Variants in ARHGEF4 observed in about 807,000 individuals in gnomAD.
ARHGEF4 encodes the protein APC-stimulated guanine nucleotide exchange factor 1.
ARHGEF4 carries 119 observed loss-of-function variants against 162.0 expected under a neutral mutation model. The ratio of observed to expected loss-of-function variants is 0.73; its 90% confidence interval spans 0.63 to 0.86. ARHGEF4 has a LOEUF of 0.86. Among genes scored for constraint, ARHGEF4 ranks in the 40% least tolerant of loss-of-function variants. The probability of loss-of-function intolerance (pLI) is 0.00; values close to 1 mark genes in which losing one functional copy is unlikely to be tolerated. For synonymous variants in ARHGEF4, 1,014 were observed against 979.9 expected (o/e 1.03, Z -0.65); for missense variants, 2,488 against 2,456.0 (o/e 1.01, Z -0.28).
rs188351150 is a variant in ARHGEF4 at position 130,852,529 on chromosome 2, G to A, written c.39+15537G>A. On this transcript the variant is annotated intron_variant, in intron 1 of 13. Coordinates refer to ENST00000409359, the MANE Select transcript of ARHGEF4 (RefSeq NM_001367493.1). ...CCATCGGGCCAGACTGTGAGCTGGT[G>A]GGGGTGGGGGGGACTGTGAGCCGGG... 6.6e-5 allele frequency among the ~76,000 whole-genome samples: 10 copies of A among 152,132 alleles called. No individual in the cohort carries two copies. In the East Asian group the frequency reaches 1.9e-3, roughly 30 times the overall value.
chr2:130,843,431 C>T (rs878956703), intron 1 of ARHGEF4, among the ~76,000 whole-genome samples: 2 of 152,188 alleles, frequency 1.3e-5, no homozygotes, highest in South Asian at 4.1e-4. Context: ...GGGGCAGACC[C>T]GGCAGGGGAG....
intron 5 of ARHGEF4, among the ~76,000 whole-genome samples, chr2:131,036,179 C>T (rs899041468): frequency 1.3e-5 from 2 of 152,224 alleles, no homozygotes; most frequent in South Asian, 2.1e-4. Context: ...TGCCCAGAAA[C>T]GCACCCAGCG....
At chr2:130,943,484 A>G (rs1318422127) in intron 3 of ARHGEF4, among the ~76,000 whole-genome samples, 1 of 152,028 alleles carries the variant, frequency 6.6e-6, no homozygotes, top group East Asian at 1.9e-4. Flanking sequence ...TTACCATGTT[A>G]TCATTCATTT....
At position 131,002,015 on chromosome 2, in the gene ARHGEF4, C is replaced by T. The variant is rs139167047; in HGVS notation, c.3986-25930C>T. 1.8e-3 allele frequency among the ~76,000 whole-genome samples: 281 copies of T among 152,168 alleles called. 2 individuals are homozygous for T. Among genetic ancestry groups the T allele is most frequent in the Admixed American group, 8.4e-3 (128 of 15,290 alleles). On this transcript the variant is annotated intron_variant, in intron 4 of 13. Transcript: ENST00000409359. ...ATTTGTTTAATCTCTGGGATGGCTA[C>T]GTCGGAATACTTTCTTTTCTATTTT...
In ARHGEF4 at chr2:130,914,811, C is replaced by T. The variant is rs367550895; in HGVS notation, c.865C>T (p.His289Tyr). Residue 289 changes from histidine to tyrosine, a missense_variant, in exon 2 of 14, where the codon CAC becomes TAC. Physicochemically the swap from His to Tyr is moderately conservative, Grantham distance 83. Around this residue, in one of 6 missense-constraint regions of ARHGEF4, gnomAD observed 1,642 missense variants for 1,481.5 expected, o/e 1.11. Transcript: ENST00000409359. ...GDTELLWSQP[H>Y]SDVPCQPPLR... The stretch of plus-strand genomic sequence containing the variant: ...CACAGAATTGCTCTGGTCCCAGCCC[C>T]ACTCGGATGTCCCCTGCCAGCCTCC... 5.0e-4 allele frequency: 720 copies of T among 1,450,952 alleles called. 3 individuals are homozygous for T. In the African/African-American group the frequency reaches 9.0e-3, roughly 18 times the overall value. The allele number at this position is 1,450,952 out of a possible 1,614,324, so 89.9% of individuals were successfully genotyped here. A position where few individuals can be genotyped will look rare whatever the true frequency, so the allele number is the denominator to read the frequency against.
chr2:130,977,775 G>C (rs957136907), intron 4 of ARHGEF4, among the ~76,000 whole-genome samples: 5 of 152,080 alleles, frequency 3.3e-5, no homozygotes, highest in Admixed American at 3.3e-4. Context: ...TGCATGCATG[G>C]TGAGTTGTGT....
intron 3 of ARHGEF4, among the ~76,000 whole-genome samples, chr2:130,941,702 A>G (rs1683310026): frequency 6.6e-6 from 1 of 152,122 alleles, no homozygotes; most frequent in Admixed American, 6.6e-5. Flanking sequence ...GAGAAAATAT[A>G]TTTACTATTT....
At position 130,914,961 on chromosome 2, in the gene ARHGEF4, T is replaced by G; in HGVS notation, c.1015T>G (p.Ser339Ala). The G allele has an allele frequency of 6.5e-7, 1 of 1,550,072 alleles. No individual in the cohort carries two copies. Among genetic ancestry groups the G allele is most frequent in the South Asian group, 1.2e-5 (1 of 83,966 alleles). The change falls in exon 2 of 14, where the codon TCC becomes GCC. Residue 339 changes from serine to alanine, a missense_variant. Around this residue, in one of 6 missense-constraint regions of ARHGEF4, gnomAD observed 1,642 missense variants for 1,481.5 expected, o/e 1.11. Coordinates refer to ENST00000409359, the MANE Select transcript of ARHGEF4 (RefSeq NM_001367493.1). ...GHMRALVRAH[S>A]IAGFSPECPE... Reference sequence around the variant, plus strand: ...CATGAGGGCACTGGTCAGGGCCCATTCCATAGCAGGGTTTTCACCAGAGTG... The same window carrying G: ...CATGAGGGCACTGGTCAGGGCCCATGCCATAGCAGGGTTTTCACCAGAGTG...
At chr2:130,969,847 G>C (rs1449040864) in intron 4 of ARHGEF4, among the ~76,000 whole-genome samples, 1 of 152,046 alleles carries the variant, frequency 6.6e-6, no homozygotes, top group Admixed American at 6.6e-5. Flanking sequence ...TCCATCCCTA[G>C]GGATTTGTCT....
At chr2:130,850,882 C>T (rs116778885) in intron 1 of ARHGEF4, among the ~76,000 whole-genome samples, 2,207 of 152,344 alleles carry the variant, frequency 0.014, 49 homozygotes, top group African/African-American at 0.05. Flanking sequence ...GTCATGCATG[C>T]GCTTCTGTGG....
chr2:130,986,587 G>A (rs763685600), intron 4 of ARHGEF4, among the ~76,000 whole-genome samples: 4 of 152,224 alleles, frequency 2.6e-5, no homozygotes, highest in Admixed American at 6.5e-5. Flanking sequence ...GTGTGAGAGT[G>A]CAGCTGTTCT....
chr2:130,959,311 TACA>T (rs1205862662), intron 4 of ARHGEF4, among the ~76,000 whole-genome samples: 87 of 152,350 alleles, frequency 5.7e-4, no homozygotes, highest in African/African-American at 1.9e-3. Flanking sequence ...ATAGAAGGTT[TACA>T]GTGTCATTTG....
chr2:130,840,876 A>G (rs1479253486), intron 1 of ARHGEF4, among the ~76,000 whole-genome samples: 1 of 152,106 alleles, frequency 6.6e-6, no homozygotes, highest in Non-Finnish European at 1.5e-5. Flanking sequence ...CACGGCATAT[A>G]CCTGTGCTGT....
At chr2:130,838,649 G>C (rs142124359) in intron 1 of ARHGEF4, among the ~76,000 whole-genome samples, 2,010 of 151,746 alleles carry the variant, frequency 0.013, 47 homozygotes, top group African/African-American at 0.046. Context: ...AGGAAAGGAA[G>C]GAAGGAAGGA....
At chr2:130,837,813 G>C (rs976420964) in intron 1 of ARHGEF4, 3 of 273,108 alleles carry the variant, frequency 1.1e-5, no homozygotes, top group South Asian at 8.2e-5. Flanking sequence ...CCAGCTGTCA[G>C]CTGCAGGTCC....
At chr2:130,899,272 GC>G (rs1321252190) in intron 1 of ARHGEF4, among the ~76,000 whole-genome samples, 1 of 152,174 alleles carries the variant, frequency 6.6e-6, no homozygotes, top group Non-Finnish European at 1.5e-5. Context: ...CCAAAATTCT[GC>G]CCACCTCAGT....
At chr2:131,016,902 C>G (rs576991328) in intron 4 of ARHGEF4, among the ~76,000 whole-genome samples, 53 of 152,318 alleles carry the variant, frequency 3.5e-4, no homozygotes, top group Non-Finnish European at 6.8e-4. Flanking sequence ...GCAGAGCTAC[C>G]TGCCTTCCCT....
intron 1 of ARHGEF4, among the ~76,000 whole-genome samples, chr2:130,904,510 T>C (rs1308363803): frequency 6.6e-6 from 1 of 152,108 alleles, no homozygotes; most frequent in Non-Finnish European, 1.5e-5. Context: ...ACTCCATCCA[T>C]TTGATATAAC....
chr2:130,896,590 G>A (rs181719365), intron 1 of ARHGEF4, among the ~76,000 whole-genome samples: 9 of 152,354 alleles, frequency 5.9e-5, no homozygotes, highest in African/African-American at 2.2e-4. Context: ...GGCCCAGAGA[G>A]GATGGCTAAC....
Sources: allele counts gnomAD v4.1 joint callset (sites outside exome capture counted in the v4.1 genomes callset), GRCh38; gene constraint gnomAD v4.1.1; regional missense constraint gnomAD v4.1.1; transcripts MANE v1.5; gene names NCBI Gene and HGNC (gene_info 2026-07-23, HGNC 2026-07-21).